Variants in RNPS1 observed in about 807,000 individuals in gnomAD.
RNPS1 encodes the protein RNA binding protein with serine rich domain 1, also known as RNA-binding protein with serine-rich domain 1.
For missense variants in RNPS1, 300 were observed against 427.6 expected, an observed-to-expected ratio of 0.70 and a Z score of 2.63; for synonymous variants, 147 against 150.0, an observed-to-expected ratio of 0.98 and a Z score of 0.15.
intron 6 of RNPS1, among the ~76,000 whole-genome samples, chr16:2,261,956 T>C (rs772505834): frequency 9.9e-5 from 15 of 152,248 alleles, no homozygotes; most frequent in Non-Finnish European, 1.9e-4. Context: ...TGTATAGACA[T>C]ATAGCTTAAA....
chr16:2,264,758 A>G lies in RNPS1; in HGVS notation c.-115T>C, dbSNP rs1337739058. On this transcript the variant is annotated splice_region_variant and 5_prime_UTR_variant, in exon 2 of 8. Transcript: ENST00000320225. ...TCGATTGCAATTTACGCCAAAGAGC[A>G]GCCTAATAACAAGATAAAAGGGTTT... is the stretch of plus-strand genomic sequence containing the variant. 1.3e-6 allele frequency: 2 copies of G among 1,550,462 alleles called. No homozygotes were observed. The highest frequency in any genetic ancestry group is 3.9e-5 in the Admixed American group (2 of 51,114).
chr16:2,265,968 C>T, intron 1 of RNPS1: 2 of 318,934 alleles, frequency 6.3e-6, no homozygotes, highest in Non-Finnish European at 9.1e-6. Flanking sequence ...TAACAAATTA[C>T]TCAAAAACAA....
At position 2,261,057 on chromosome 16, in the gene RNPS1, T is replaced by C. The variant is rs377477760; in HGVS notation, c.676+1221A>G. 2.0e-4 allele frequency among the ~76,000 whole-genome samples: 31 copies of C among 151,702 alleles called. No individual in the cohort carries two copies. The East Asian group carries it at 5.4e-3, about 27-fold the overall frequency. ...AGGGAGGAGAATGGCATGAACCTGG[T>C]AGGCAGAGCTTGCAGTGGGCCGAGG... On this transcript the variant is annotated intron_variant, in intron 6 of 7. Transcript: ENST00000320225.
intron 1 of RNPS1, chr16:2,266,269 G>A (rs1567329872): frequency 1.2e-5 from 12 of 985,464 alleles, no homozygotes; most frequent in Non-Finnish European, 1.4e-5. Flanking sequence ...GAGAGCCAAG[G>A]AGGGCCGAAC....
intron 6 of RNPS1, among the ~76,000 whole-genome samples, chr16:2,260,695 C>A (rs970253851): frequency 2.0e-5 from 3 of 152,122 alleles, no homozygotes; most frequent in African/African-American, 7.2e-5. Flanking sequence ...GGTATTATCT[C>A]AGATAAAAGG....
chr16:2,254,149 C>CTT, intron 7 of RNPS1, 86 bp from the exon 8 acceptor site: 1 of 1,007,274 alleles, frequency 9.9e-7, no homozygotes, highest in Non-Finnish European at 1.4e-6. Flanking sequence ...CATAGTTTTA[C>CTT]TTTTTGAGAT....
chr16:2,254,143 G>A, intron 7 of RNPS1, 80 bp from the exon 8 acceptor site: 3 of 1,077,384 alleles, frequency 2.8e-6, no homozygotes, highest in Non-Finnish European at 2.6e-6. Flanking sequence ...ATTCCCCATA[G>A]TTTTACTTTT....
intron 1 of RNPS1, chr16:2,267,853 C>T: frequency 6.6e-7 from 1 of 1,515,446 alleles, no homozygotes; most frequent in East Asian, 2.5e-5. Flanking sequence ...CGCAGCGGCC[C>T]CGACCACTTC....
chr16:2,256,820 T>C (rs1596800028), intron 6 of RNPS1: 1 of 152,252 alleles, frequency 6.6e-6, no homozygotes, highest in African/African-American at 2.4e-5. Context: ...GAAGTTCTCT[T>C]AGGAGGGCTC....
chr16:2,255,850 G>T, intron 6 of RNPS1, 124 bp from the exon 7 acceptor site: 1 of 1,088,260 alleles, frequency 9.2e-7, no homozygotes, highest in Non-Finnish European at 1.4e-6. Flanking sequence ...AAACAGGGCC[G>T]GGCATGGTGG....
rs143603958 is a variant in RNPS1 at position 2,263,869 on chromosome 16, C to T, written c.227+307G>A. ...CTGGGACTACAGATGCATGCCACCA[C>T]GCTCAGCTAATTTTACAAATTACTC... On this transcript the variant is annotated intron_variant, in intron 3 of 7. Transcript: ENST00000320225. 677 of 342,054 alleles carry T rather than the reference C, an allele frequency of 2.0e-3. 3 individuals are homozygous for T. Among genetic ancestry groups the T allele is most frequent in the African/African-American group, 0.013 (620 of 46,670 alleles). 21.2% of individuals were successfully genotyped at this position (342,054 alleles called of 1,614,324 possible). A position where few individuals can be genotyped will look rare whatever the true frequency, so the allele number is the denominator to read the frequency against.
chr16:2,267,451 C>T (rs2093629365), intron 1 of RNPS1: 1 of 967,606 alleles, frequency 1.0e-6, no homozygotes. Context: ...AGCTCGGCCA[C>T]CGTGCTCGGT....
rs576286645 is a variant in RNPS1 at position 2,255,596 on chromosome 16, C to T, written c.807G>A (p.Arg269=). ...PPPMWRRSPP[R]MRRRSRSPRR... ...TACAAATTGTTTACCTTCTCCTCAT[C>T]CGTGGGGGAGACCTGCGCCACATAG... The change falls in exon 7 of 8, where the codon CGG becomes CGA. Residue 269 remains arginine (R), a synonymous_variant. Coordinates refer to ENST00000320225, the MANE Select transcript of RNPS1 (RefSeq NM_080594.4). The T allele has an allele frequency of 3.8e-6, 6 of 1,589,218 alleles. No individual in the cohort carries two copies. The highest frequency in any genetic ancestry group is 2.7e-5 in the African/African-American group (2 of 74,226).
At chr16:2,268,011 C>T in intron 1 of RNPS1, 44 bp downstream of exon 1, 1 of 1,533,632 alleles carries the variant, frequency 6.5e-7, no homozygotes, top group Non-Finnish European at 8.7e-7. Flanking sequence ...GCCTGCCGGG[C>T]AGCCCCCGAA....
At chr16:2,255,751 AAAAT>A in intron 6 of RNPS1, 25 bp from the exon 7 acceptor site, 8 of 1,611,268 alleles carry the variant, frequency 5.0e-6, no homozygotes, top group Non-Finnish European at 6.8e-6. Context: ...AGCAAGTCAT[AAAAT>A]ATCTAACAAG....
intron 3 of RNPS1, 104 bp downstream of exon 3, chr16:2,264,072 A>G: frequency 2.9e-6 from 4 of 1,358,024 alleles, no homozygotes; most frequent in Middle Eastern, 2.6e-4. Flanking sequence ...CAATCAGAGG[A>G]TGTGTTTTCT....
chr16:2,260,652 G>A (rs1596806979), intron 6 of RNPS1, among the ~76,000 whole-genome samples: 1 of 152,104 alleles, frequency 6.6e-6, no homozygotes, highest in Non-Finnish European at 1.5e-5. Context: ...GTATTTAATT[G>A]TACATATCCA....
chr16:2,267,023 C>G (rs537956374), intron 1 of RNPS1: 23 of 392,704 alleles, frequency 5.9e-5, no homozygotes, highest in East Asian at 1.6e-4. Flanking sequence ...CCCCACCCCC[C>G]CAAGAACTAA....
chr16:2,258,476 G>C (rs367618801), intron 6 of RNPS1: 1 of 152,238 alleles, frequency 6.6e-6, no homozygotes, highest in Non-Finnish European at 1.5e-5. Flanking sequence ...TGTAATCCCA[G>C]CACTTTGGGA....
Sources: gnomAD v4.1 joint callset for allele counts (sites outside exome capture counted in the v4.1 genomes callset) on GRCh38, gnomAD v4.1.1 for gene constraint, MANE v1.5 for transcripts, NCBI Gene and HGNC (gene_info 2026-07-23, HGNC 2026-07-21) for gene names.